PHF14: variants seen among roughly 807,000 people sequenced by gnomAD.
PHF14 encodes the protein PHD finger protein 14.
PHF14 carries 55 observed loss-of-function variants against 117.9 expected under a neutral mutation model. That is an observed-to-expected ratio of 0.47 (90% CI 0.38 to 0.58). The LOEUF is 0.58. Among genes scored for constraint, PHF14 ranks in the 20% least tolerant of loss-of-function variants. PHF14 has a pLI of 0.00. For missense variants in PHF14, 978 were observed against 1,122.2 expected, an observed-to-expected ratio of 0.87 and a Z score of 1.84; for synonymous variants, 409 against 368.6, an observed-to-expected ratio of 1.11 and a Z score of -1.26.
At chr7:11,147,406 G>T (rs1249158111) in intron 17 of PHF14, among the ~76,000 whole-genome samples, 1 of 152,116 alleles carries the variant, frequency 6.6e-6, no homozygotes, top group Non-Finnish European at 1.5e-5. Flanking sequence ...GAAATTAAGA[G>T]TAAGGGTGAA....
At chr7:11,003,329 A>G (rs1162767794) in intron 4 of PHF14, among the ~76,000 whole-genome samples, 1 of 152,158 alleles carries the variant, frequency 6.6e-6, no homozygotes, top group Non-Finnish European at 1.5e-5. Flanking sequence ...CTTTTTCTCC[A>G]GTGTTTGGGG....
chr7:11,092,841 G>A (rs1583458805), intron 16 of PHF14, among the ~76,000 whole-genome samples: 1 of 152,160 alleles, frequency 6.6e-6, no homozygotes, highest in African/African-American at 2.4e-5. Context: ...GTTGAAGCCA[G>A]GTGCTGATAA....
chr7:11,087,010 TA>T (rs1786436646), intron 16 of PHF14, among the ~76,000 whole-genome samples: 1 of 152,184 alleles, frequency 6.6e-6, no homozygotes, highest in Non-Finnish European at 1.5e-5. Flanking sequence ...TCAAGTCAGT[TA>T]AATTAGATCT....
intron 4 of PHF14, among the ~76,000 whole-genome samples, chr7:10,992,778 G>T (rs1048119749): frequency 6.6e-6 from 1 of 152,218 alleles, no homozygotes; most frequent in Admixed American, 6.5e-5. Context: ...ATTGTATTCA[G>T]ATGTTGCCAA....
At chr7:11,092,705 T>G (rs2906547) in intron 16 of PHF14, among the ~76,000 whole-genome samples, 72,436 of 151,890 alleles carry the variant, frequency 0.48, 17,893 homozygotes, top group East Asian at 0.85. Flanking sequence ...CTCTTTTTTT[T>G]TTGTTCTAAT....
At position 10,977,289 on chromosome 7, in the gene PHF14, C is replaced by G. The variant is rs563854529; in HGVS notation, c.112+2344C>G. Among the ~76,000 whole-genome samples the G allele has an allele frequency of 5.3e-5, 8 of 152,172 alleles. No homozygotes were observed. In the South Asian group the frequency reaches 1.7e-3, roughly 32 times the overall value. ...ATCATATCTTCTTTCAAAACAACTT[C>G]TAGAAATGACTCATTGAATGAACTA... On this transcript the variant is annotated intron_variant, in intron 2 of 17. Coordinates refer to ENST00000634607, the MANE Select transcript of PHF14 (RefSeq NM_001007157.2).
At chr7:11,144,810 C>T (rs1788500613) in intron 17 of PHF14, among the ~76,000 whole-genome samples, 1 of 151,362 alleles carries the variant, frequency 6.6e-6, no homozygotes, top group African/African-American at 2.4e-5. Flanking sequence ...CATATATGAA[C>T]CTTAAGAACA....
chr7:11,042,797 G>A lies in PHF14; in HGVS notation c.2295G>A (p.Lys765=). ...CTCCTCTTACAAGGATGCCAAGAAAGACCAAAAACAGTTATTGGTGAGTAA... is the reference window on the plus strand; with the variant it reads ...CTCCTCTTACAAGGATGCCAAGAAAAACCAAAAACAGTTATTGGTGAGTAA... ...LDPPLTRMPR[K]TKNSYWQCSE... Residue 765 remains lysine (K), a synonymous_variant, in exon 13 of 18, where the codon AAG becomes AAA. Coordinates refer to ENST00000634607, the MANE Select transcript of PHF14 (RefSeq NM_001007157.2). The A allele has an allele frequency of 6.3e-7, 1 of 1,578,898 alleles. No individual in the cohort carries two copies. The highest frequency in any genetic ancestry group is 8.6e-7 in the Non-Finnish European group (1 of 1,159,196).
rs771770887 is a variant in PHF14 at position 10,998,844 on chromosome 7, A to G, written c.1045+7997A>G. Among the ~76,000 whole-genome samples, 11 of 152,202 alleles carry G rather than the reference A, an allele frequency of 7.2e-5. No individual in the cohort carries two copies. The South Asian group carries it at 8.3e-4, about 11-fold the overall frequency. On this transcript the variant is annotated intron_variant, in intron 4 of 17. Transcript: ENST00000634607. ...TATCTCTATTTTTCTCTGCTTCATTATAATGCTGAGTACCATCTCTACTTC... is the reference window on the plus strand; with the variant it reads ...TATCTCTATTTTTCTCTGCTTCATTGTAATGCTGAGTACCATCTCTACTTC...
intron 16 of PHF14, chr7:11,108,947 A>AT (rs1285553277): frequency 6.6e-6 from 1 of 151,808 alleles, no homozygotes; most frequent in African/African-American, 2.4e-5. Flanking sequence ...ATTAGGTAGT[A>AT]AATTGATGTG....
Position 10,995,857 on chromosome 7 carries a change from G to A in PHF14, c.1045+5010G>A, listed in dbSNP as rs545012676. ...CCAAGCCCATGCCCACCCGGAACTCGCGCTGGCCCGCAAGCGCCTTGCACA... is the reference window on the plus strand; with the variant it reads ...CCAAGCCCATGCCCACCCGGAACTCACGCTGGCCCGCAAGCGCCTTGCACA... On this transcript the variant is annotated intron_variant, in intron 4 of 17. Transcript: ENST00000634607. Among the ~76,000 whole-genome samples, 188 of 152,326 alleles carry A rather than the reference G, an allele frequency of 1.2e-3. 1 individual carries two copies. Among genetic ancestry groups the A allele is most frequent in the Admixed American group, 1.7e-3 (26 of 15,302 alleles).
At chr7:11,150,782 G>A (rs1368792936) in intron 17 of PHF14, among the ~76,000 whole-genome samples, 1 of 152,154 alleles carries the variant, frequency 6.6e-6, no homozygotes, top group Admixed American at 6.5e-5. Context: ...TATCATTTCT[G>A]TGACAATGAT....
At chr7:11,118,921 A>C (rs551713476) in intron 17 of PHF14, among the ~76,000 whole-genome samples, 1 of 152,026 alleles carries the variant, frequency 6.6e-6, no homozygotes, top group East Asian at 1.9e-4. Flanking sequence ...ATATATTTAA[A>C]TATCAAATTC....
intron 4 of PHF14, among the ~76,000 whole-genome samples, chr7:11,005,419 G>T (rs1583354329): frequency 6.6e-6 from 1 of 151,908 alleles, no homozygotes; most frequent in African/African-American, 2.4e-5. Flanking sequence ...TTATTACATT[G>T]TCCAAGTTTG....
At chr7:10,989,064 A>G (rs1425068760) in intron 3 of PHF14, among the ~76,000 whole-genome samples, 1 of 152,180 alleles carries the variant, frequency 6.6e-6, no homozygotes. Flanking sequence ...TGTCAGCCCC[A>G]GACCTATTTT....
chr7:11,124,188 TA>T (rs1787855297), intron 17 of PHF14, among the ~76,000 whole-genome samples: 1 of 152,112 alleles, frequency 6.6e-6, no homozygotes, highest in South Asian at 2.1e-4. Flanking sequence ...CATAAAGAAG[TA>T]TTTTAAATTA....
Position 11,049,933 on chromosome 7 carries a change from A to G in PHF14, c.2313-1679A>G, listed in dbSNP as rs1784798164. The stretch of plus-strand genomic sequence containing the variant: ...GCAATAGATACATAAAAGTTTTCTG[A>G]GTAATACATGATTATGTACATTTTT... On this transcript the variant is annotated intron_variant, in intron 13 of 17. Transcript: ENST00000634607. 2.0e-5 allele frequency among the ~76,000 whole-genome samples: 3 copies of G among 152,198 alleles called. No homozygotes were observed. The South Asian group carries it at 6.2e-4, about 32-fold the overall frequency.
intron 17 of PHF14, among the ~76,000 whole-genome samples, chr7:11,168,250 T>A (rs1198329024): frequency 6.6e-6 from 1 of 152,214 alleles, no homozygotes; most frequent in African/African-American, 2.4e-5. Context: ...ATATCTATAA[T>A]GATTCAGATT....
intron 4 of PHF14, chr7:11,006,306 G>A (rs2128314189): frequency 2.5e-6 from 1 of 405,992 alleles, no homozygotes; most frequent in Non-Finnish European, 4.7e-6. Flanking sequence ...TTTGTTTTCT[G>A]TTACTTGCCT....
Sources: gnomAD v4.1 joint callset for allele counts (sites outside exome capture counted in the v4.1 genomes callset) on GRCh38, gnomAD v4.1.1 for gene constraint, MANE v1.5 for transcripts, NCBI Gene and HGNC (gene_info 2026-07-23, HGNC 2026-07-21) for gene names.